SEZ6L: variants seen among roughly 807,000 people sequenced by gnomAD.
SEZ6L encodes the protein seizure 6-like protein.
SEZ6L carries 37 observed loss-of-function variants against 106.2 expected under a neutral mutation model. That is an observed-to-expected ratio of 0.35 (90% confidence interval 0.27 to 0.46). SEZ6L has a LOEUF of 0.46. SEZ6L is among the 20% of genes least tolerant of loss of function. The pLI, the probability that SEZ6L is intolerant of heterozygous loss-of-function variation, is 1.00. For synonymous variants in SEZ6L, 541 were observed against 570.4 expected, an observed-to-expected ratio of 0.95 and a Z score of 0.73; for missense variants, 1,172 against 1,332.8, an observed-to-expected ratio of 0.88 and a Z score of 1.88.
At position 26,294,310 on chromosome 22, in the gene SEZ6L, T is replaced by A; in HGVS notation, c.854T>A (p.Phe285Tyr). 1 of 1,614,054 alleles carries A rather than the reference T, an allele frequency of 6.2e-7. No homozygotes were observed. The highest frequency in any genetic ancestry group is 8.5e-7 in the Non-Finnish European group (1 of 1,180,006). ...EQAPALCSVS[F>Y]SNPEGYIDSS... Reference sequence around the variant, plus strand: ...CTTCCAGCTCTCTGCAGTGTGAGCTTCTCCAATCCTGAGGGGTACATTGAC... The same window carrying A: ...CTTCCAGCTCTCTGCAGTGTGAGCTACTCCAATCCTGAGGGGTACATTGAC... Residue 285 changes from phenylalanine (F) to tyrosine (Y), a missense_variant, in exon 3 of 17, where the codon TTC (phenylalanine) becomes TAC (tyrosine). Phe to Tyr is a conservative substitution (Grantham distance 22). Transcript: ENST00000248933.
chr22:26,340,880 T>A (rs1426496621), intron 10 of SEZ6L, among the ~76,000 whole-genome samples: 1 of 152,208 alleles, frequency 6.6e-6, no homozygotes, highest in Non-Finnish European at 1.5e-5. Context: ...CTTCTTTTTG[T>A]CATCTGTAAG....
At chr22:26,281,897 T>C (rs891747303) in intron 1 of SEZ6L, among the ~76,000 whole-genome samples, 1 of 152,218 alleles carries the variant, frequency 6.6e-6, no homozygotes, top group African/African-American at 2.4e-5. Context: ...ACGGAATCCT[T>C]GGTCATCTCT....
intron 1 of SEZ6L, among the ~76,000 whole-genome samples, 166 bp downstream of exon 1, chr22:26,169,929 G>T (rs1938462824): frequency 6.6e-6 from 1 of 152,192 alleles, no homozygotes; most frequent in South Asian, 2.1e-4. Context: ...CTTGGCCCGG[G>T]CTGATGGGAG....
Position 26,301,458 on chromosome 22 carries a change from G to A in SEZ6L, c.1348+2289G>A, listed in dbSNP as rs1481806274. On this transcript the variant is annotated intron_variant, in intron 5 of 16. Transcript: ENST00000248933. ...TCCAGTCAAGGTGAGGCTGTAGTAT[G>A]TAAATGAGTAAACAAGGATGCAAAC... 3.3e-5 allele frequency among the ~76,000 whole-genome samples: 5 copies of A among 152,218 alleles called. No individual in the cohort carries two copies. The South Asian group carries it at 6.2e-4, about 19-fold the overall frequency.
In SEZ6L at chr22:26,351,103, C is replaced by A; in HGVS notation, c.2459C>A (p.Ser820Ter). Residue 820 changes from serine (S) to a stop codon, truncating the protein, a stop_gained, in exon 12 of 17, where the codon TCG (serine) becomes TAG (stop). Transcript: ENST00000248933. LOFTEE classifies it high-confidence loss of function. ...GEVDHSTRLI[S>*]DPVLLVGTTI... ...GTGGATCACTCGACCCGCTTAATTTCGGATCCTGTGCTGCTGGTGGGGACC... is the reference window on the plus strand; with the variant it reads ...GTGGATCACTCGACCCGCTTAATTTAGGATCCTGTGCTGCTGGTGGGGACC... 6.2e-7 allele frequency: 1 copy of A among 1,614,210 alleles called. No homozygotes were observed. The highest frequency in any genetic ancestry group is 1.1e-5 in the South Asian group (1 of 91,090).
chr22:26,252,619 T>A (rs779919742), intron 1 of SEZ6L, among the ~76,000 whole-genome samples: 11 of 152,238 alleles, frequency 7.2e-5, no homozygotes, highest in Admixed American at 2.6e-4. Flanking sequence ...ACCATCTAAA[T>A]GTACATATGC....
At position 26,198,307 on chromosome 22, in the gene SEZ6L, A is replaced by G. The variant is rs1247807884; in HGVS notation, c.94+28544A>G. ...CTCTGGCCAATATCTAATGGATAAT[A>G]CATGTAAAAGTACTTCAGAAAGTCC... On this transcript the variant is annotated intron_variant, in intron 1 of 16. Coordinates refer to ENST00000248933, the MANE Select transcript of SEZ6L (RefSeq NM_021115.5). 5.3e-5 allele frequency among the ~76,000 whole-genome samples: 8 copies of G among 152,358 alleles called. No individual in the cohort carries two copies. In the East Asian group the frequency reaches 1.5e-3, roughly 29 times the overall value.
At chr22:26,192,674 C>A (rs1940310625) in intron 1 of SEZ6L, among the ~76,000 whole-genome samples, 1 of 152,188 alleles carries the variant, frequency 6.6e-6, no homozygotes, top group South Asian at 2.1e-4. Context: ...TTTCAGCTCT[C>A]AGGCATTTTC....
chr22:26,369,411 C>T (rs2083940649), intron 13 of SEZ6L, among the ~76,000 whole-genome samples: 1 of 137,832 alleles, frequency 7.3e-6, no homozygotes, highest in Non-Finnish European at 1.5e-5. Context: ...TGGATCTCGG[C>T]TCACTGCAAG....
Position 26,365,537 on chromosome 22 carries a change from A to T in SEZ6L, c.2765A>T (p.His922Leu). 1 of 1,614,014 alleles carries T rather than the reference A, an allele frequency of 6.2e-7. No individual in the cohort carries two copies. The highest frequency in any genetic ancestry group is 8.5e-7 in the Non-Finnish European group (1 of 1,179,934). ...TIRCILGQPS[H>L]WNGPLPVCKV... Reference sequence around the variant, plus strand: ...CGCTGCATCCTGGGACAGCCATCCCACTGGAACGGGCCCCTGCCCGTGTGT... The same window carrying T: ...CGCTGCATCCTGGGACAGCCATCCCTCTGGAACGGGCCCCTGCCCGTGTGT... The change falls in exon 13 of 17, where the codon CAC (histidine) becomes CTC (leucine). Residue 922 changes from histidine to leucine, a missense_variant. This residue lies in a region of SEZ6L where 141 missense variants were observed against 176.0 expected (regional missense o/e 0.80). Coordinates refer to ENST00000248933, the MANE Select transcript of SEZ6L (RefSeq NM_021115.5).
chr22:26,263,178 A>G lies in SEZ6L; in HGVS notation c.95-29228A>G, dbSNP rs550373632. Among the ~76,000 whole-genome samples, 18 of 152,312 alleles carry G rather than the reference A, an allele frequency of 1.2e-4. No homozygotes were observed. The East Asian group carries it at 3.5e-3, about 29-fold the overall frequency. On this transcript the variant is annotated intron_variant, in intron 1 of 16. Coordinates refer to ENST00000248933, the MANE Select transcript of SEZ6L (RefSeq NM_021115.5). ...CTGGACTCATTTCCACAACCACCCA[A>G]GAGGGGGAAGTTATTACCTGCAGAG...
intron 15 of SEZ6L, among the ~76,000 whole-genome samples, chr22:26,376,184 G>A (rs943501514): frequency 1.3e-5 from 2 of 148,298 alleles, no homozygotes; most frequent in African/African-American, 2.5e-5. Flanking sequence ...CAGTTTTCTC[G>A]GTTCCAGAAA....
chr22:26,199,688 T>C (rs1290918910), intron 1 of SEZ6L, among the ~76,000 whole-genome samples: 3 of 152,218 alleles, frequency 2.0e-5, no homozygotes, highest in Non-Finnish European at 4.4e-5. Flanking sequence ...AGACTGTCAG[T>C]GCAGCTTTTT....
At chr22:26,296,824 C>A in intron 3 of SEZ6L, 64 bp from the exon 4 acceptor site, 2 of 1,403,180 alleles carry the variant, frequency 1.4e-6, no homozygotes, top group East Asian at 2.6e-5. Flanking sequence ...TCTTTGCAAC[C>A]TTAGAAGGCT....
rs748495103 is a variant in SEZ6L, at chr22:26,382,025, C to G, written c.*1730C>G. 3 of 518,750 alleles carry G rather than the reference C, an allele frequency of 5.8e-6. No individual in the cohort carries two copies. Among genetic ancestry groups the G allele is most frequent in the Non-Finnish European group, 1.2e-5 (3 of 259,736 alleles). 32.1% of individuals were successfully genotyped at this position (518,750 alleles called of 1,614,324 possible). On this transcript the variant is annotated 3_prime_UTR_variant, in exon 17 of 17. Coordinates refer to ENST00000248933, the MANE Select transcript of SEZ6L (RefSeq NM_021115.5). ...TTAGGCACACATGTACCCTCCTTGA[C>G]AGCAGGAACTCAGACTTCAATCTTG...
intron 9 of SEZ6L, among the ~76,000 whole-genome samples, chr22:26,314,925 C>G (rs2081955136): frequency 6.6e-6 from 1 of 152,224 alleles, no homozygotes; most frequent in Non-Finnish European, 1.5e-5. Flanking sequence ...CAGTCATGCT[C>G]TTTCCACTGC....
At chr22:26,202,564 C>T (rs1941029942) in intron 1 of SEZ6L, among the ~76,000 whole-genome samples, 1 of 152,194 alleles carries the variant, frequency 6.6e-6, no homozygotes, top group Non-Finnish European at 1.5e-5. Flanking sequence ...GGCACAGAAT[C>T]CTAAGCTAGA....
chr22:26,184,258 A>G (rs1280603627), intron 1 of SEZ6L, among the ~76,000 whole-genome samples: 1 of 152,116 alleles, frequency 6.6e-6, no homozygotes, highest in Admixed American at 6.5e-5. Context: ...CCCCCAAGTC[A>G]GGCTGTCTTC....
intron 1 of SEZ6L, among the ~76,000 whole-genome samples, chr22:26,243,663 G>A (rs1222543710): frequency 1.3e-5 from 2 of 152,170 alleles, no homozygotes; most frequent in Non-Finnish European, 2.9e-5. Flanking sequence ...TGTGGTTTAC[G>A]TTTTATAAGG....
Sources: gnomAD v4.1 joint callset for allele counts (sites outside exome capture counted in the v4.1 genomes callset) on GRCh38, gnomAD v4.1.1 for gene constraint, gnomAD v4.1.1 regional missense constraint, MANE v1.5 for transcripts, NCBI Gene and HGNC (gene_info 2026-07-23, HGNC 2026-07-21) for gene names.